The following PTCHD1 variants were observed in gnomAD, a reference collection of about 807,000 sequenced individuals.
PTCHD1 encodes the protein patched domain-containing protein 1.
Under a neutral mutation model 34.6 loss-of-function variants are expected in PTCHD1, and 3 were observed. The observed-to-expected ratio is 0.09, with a 90% CI of 0.04 to 0.22. The LOEUF is 0.22. PTCHD1 is among the 10% of genes least tolerant of loss of function. The pLI, the probability that PTCHD1 is intolerant of heterozygous loss-of-function variation, is 1.00. For synonymous variants in PTCHD1, 305 were observed against 283.1 expected (o/e 1.08, Z -0.77); for missense variants, 504 against 685.5 (o/e 0.74, Z 2.96).
In PTCHD1 at chrX:23,402,177, A is replaced by G. The variant is rs773817351; in HGVS notation, c.*7992A>G. 3.6e-5 allele frequency: 4 copies of G among 111,703 alleles called. No homozygotes were observed. In the East Asian group the frequency reaches 8.4e-4, roughly 24 times the overall value. 9.2% of individuals were successfully genotyped at this position (111,703 alleles called of 1,213,427 possible). A position where few individuals can be genotyped will look rare whatever the true frequency, so the allele number is the denominator to read the frequency against. ...ACGGGAAAACCGGTGCATTTCATCA[A>G]CCTCAAGGAAAGGAAGTGCCATGCA... On this transcript the variant is annotated 3_prime_UTR_variant, in exon 3 of 3. Coordinates refer to ENST00000379361, the MANE Select transcript of PTCHD1 (RefSeq NM_173495.3).
At chrX:23,343,425 AC>A (rs938436121) in intron 1 of PTCHD1, among the ~76,000 whole-genome samples, 1 of 111,995 alleles carries the variant, frequency 8.9e-6, no homozygotes, top group African/African-American at 3.3e-5. Context: ...GCACCCTGGA[AC>A]CCAAGTCCCC....
intron 1 of PTCHD1, among the ~76,000 whole-genome samples, chrX:23,376,231 TG>T (rs1569139145): frequency 1.8e-5 from 2 of 112,458 alleles, no homozygotes; most frequent in Admixed American, 1.9e-4. Flanking sequence ...TATAGAAACA[TG>T]GATTATATGT....
intron 1 of PTCHD1, among the ~76,000 whole-genome samples, chrX:23,335,538 T>C (rs1157505495): frequency 8.9e-6 from 1 of 112,325 alleles, no homozygotes; most frequent in Non-Finnish European, 1.9e-5. Context: ...GGCTTGGGGG[T>C]GGGGAGGCTT....
intron 1 of PTCHD1, among the ~76,000 whole-genome samples, chrX:23,370,989 G>T (rs1341881569): frequency 9.0e-6 from 1 of 111,209 alleles, no homozygotes; most frequent in Non-Finnish European, 1.9e-5. Context: ...GTTCTGACAG[G>T]ACTCTTGGGG....
At chrX:23,343,710 T>C (rs781419618) in intron 1 of PTCHD1, among the ~76,000 whole-genome samples, 6 of 112,144 alleles carry the variant, frequency 5.4e-5, no homozygotes, top group African/African-American at 1.9e-4. Context: ...GTGAGTTTAA[T>C]GGAAACACTA....
chrX:23,399,028 T>C lies in PTCHD1; in HGVS notation c.*4843T>C, dbSNP rs1306488348. Reference sequence around the variant, plus strand: ...GAGGAAAAAAGCCTTCTTTTCAAAGTACAAAAAAAAGCGATGTGTACCAAG... The same window carrying C: ...GAGGAAAAAAGCCTTCTTTTCAAAGCACAAAAAAAAGCGATGTGTACCAAG... On this transcript the variant is annotated 3_prime_UTR_variant, in exon 3 of 3. Transcript: ENST00000379361. 1 of 110,465 alleles carries C rather than the reference T, an allele frequency of 9.1e-6. No individual in the cohort carries two copies. Among genetic ancestry groups the C allele is most frequent in the Non-Finnish European group, 1.9e-5 (1 of 52,951 alleles). The allele number at this position is 110,465 out of a possible 1,213,427, so 9.1% of individuals were successfully genotyped here.
At chrX:23,373,171 T>C (rs910888873) in intron 1 of PTCHD1, among the ~76,000 whole-genome samples, 9 of 112,970 alleles carry the variant, frequency 8.0e-5, no homozygotes, top group Non-Finnish European at 5.6e-5. Context: ...TAAAGCTGCC[T>C]TGTTTTTTCA....
At chrX:23,350,986 A>C in intron 1 of PTCHD1, 1 of 265,305 alleles carries the variant, frequency 3.8e-6, no homozygotes, top group Non-Finnish European at 6.7e-6. Context: ...ATGAAAATGG[A>C]ATCCATATTT....
rs181035970 is a variant in PTCHD1 at position 23,369,045 on chromosome X, C to G, written c.352-10546C>G. On this transcript the variant is annotated intron_variant, in intron 1 of 2. Coordinates refer to ENST00000379361, the MANE Select transcript of PTCHD1 (RefSeq NM_173495.3). ...TGCCATTGCACCGCAGCCTGGGCAA[C>G]AAAAGCAAAAATACTCCGTCTCAAA... Among the ~76,000 whole-genome samples, 346 of 111,394 alleles carry G rather than the reference C, an allele frequency of 3.1e-3. 2 individuals are homozygous for G. The highest frequency in any genetic ancestry group is 0.011 in the African/African-American group (335 of 30,645).
At chrX:23,392,070 C>CTTCCTTTTTTTTTTTTTTTTTTTTTTTT (rs1922848553) in intron 2 of PTCHD1, among the ~76,000 whole-genome samples, 1 of 39,480 alleles carries the variant, frequency 2.5e-5, no homozygotes, top group African/African-American at 2.3e-4. Flanking sequence ...TTCTTTCTTT[C>CTTCCTTTTTTTTTTTTTTTTTTTTTTTT]TTTCTTTTTT....
intron 1 of PTCHD1, among the ~76,000 whole-genome samples, chrX:23,353,537 G>A (rs1223270854): frequency 3.6e-5 from 4 of 111,697 alleles, no homozygotes; most frequent in Non-Finnish European, 3.8e-5. Flanking sequence ...TGCGGTGAGC[G>A]GAGATCGCGC....
intron 1 of PTCHD1, among the ~76,000 whole-genome samples, chrX:23,356,793 G>A (rs571827619): frequency 8.9e-6 from 1 of 111,779 alleles, no homozygotes; most frequent in African/African-American, 3.3e-5. Context: ...AAACCATCAC[G>A]CACTTCACAA....
intron 1 of PTCHD1, among the ~76,000 whole-genome samples, chrX:23,348,086 T>C (rs1431611387): frequency 9.0e-6 from 1 of 111,060 alleles, no homozygotes; most frequent in African/African-American, 3.3e-5. Context: ...ACATGGGTAA[T>C]GTAAGCAGAG....
chrX:23,387,198 G>A (rs1029753128), intron 2 of PTCHD1, among the ~76,000 whole-genome samples: 1 of 112,113 alleles, frequency 8.9e-6, no homozygotes, highest in African/African-American at 3.2e-5. Flanking sequence ...TTCACTTTAT[G>A]AGCAACTTTC....
rs1923056911 is a variant in PTCHD1, at chrX:23,398,896, A to G, written c.*4711A>G. On this transcript the variant is annotated 3_prime_UTR_variant, in exon 3 of 3. Coordinates refer to ENST00000379361, the MANE Select transcript of PTCHD1 (RefSeq NM_173495.3). ...TGAAGTCCTCTTTGATATCTATGAG[A>G]GCACCGTGGAAGGAAGAAGAAGGGA... is the stretch of plus-strand genomic sequence containing the variant. The G allele has an allele frequency of 9.0e-6, 1 of 111,451 alleles. No homozygotes were observed. The highest frequency in any genetic ancestry group is 1.9e-5 in the Non-Finnish European group (1 of 53,151). 9.2% of individuals were successfully genotyped at this position (111,451 alleles called of 1,213,427 possible).
At chrX:23,370,507 T>A (rs146983466) in intron 1 of PTCHD1, among the ~76,000 whole-genome samples, 165 of 112,140 alleles carry the variant, frequency 1.5e-3, no homozygotes, top group Non-Finnish European at 2.5e-3. Flanking sequence ...AGAATTATTG[T>A]CAGGAAGAAA....
chrX:23,369,031 C>T (rs190569322), intron 1 of PTCHD1, among the ~76,000 whole-genome samples: 43 of 111,240 alleles, frequency 3.9e-4, no homozygotes, highest in Non-Finnish European at 5.8e-4. Flanking sequence ...GCCATTGCAC[C>T]GCAGCCTGGG....
intron 2 of PTCHD1, among the ~76,000 whole-genome samples, chrX:23,384,756 A>G (rs1192598940): frequency 8.9e-6 from 1 of 112,148 alleles, no homozygotes; most frequent in African/African-American, 3.2e-5. Context: ...TCATGAGAAA[A>G]TGAGGGAAAA....
rs1401296326 is a variant in PTCHD1, at chrX:23,397,146, TATTCG to T, written c.*2966_*2970del. 8.9e-6 allele frequency: 1 copy of T among 111,877 alleles called. No individual in the cohort carries two copies. The highest frequency in any genetic ancestry group is 3.2e-5 in the African/African-American group (1 of 30,792). 9.2% of individuals were successfully genotyped at this position (111,877 alleles called of 1,213,427 possible). A position where few individuals can be genotyped will look rare whatever the true frequency, so the allele number is the denominator to read the frequency against. ...TTTGTTGTTTGTTTACCAAAGAAAA[TATTCG>T]ATTCATCAAAAATATTGCTCCTGGT... On this transcript the variant is annotated 3_prime_UTR_variant, in exon 3 of 3. Coordinates refer to ENST00000379361, the MANE Select transcript of PTCHD1 (RefSeq NM_173495.3).
Sources: allele counts gnomAD v4.1 joint callset (sites outside exome capture counted in the v4.1 genomes callset), GRCh38; gene constraint gnomAD v4.1.1; transcripts MANE v1.5; gene names NCBI Gene and HGNC (gene_info 2026-07-23, HGNC 2026-07-21).